Variants in SNTG1 observed in about 807,000 individuals in gnomAD.
SNTG1 encodes the protein gamma-1-syntrophin.
Under a neutral mutation model 74.7 loss-of-function variants are expected in SNTG1, and 39 were observed. The ratio of observed to expected loss-of-function variants is 0.52; its 90% confidence interval spans 0.40 to 0.68. SNTG1 has a LOEUF of 0.68. Ranked by LOEUF, SNTG1 falls within the 30% of genes least tolerant of loss-of-function variation. The pLI, the probability that SNTG1 is intolerant of heterozygous loss-of-function variation, is 0.00. For synonymous variants in SNTG1, 254 were observed against 217.1 expected, an observed-to-expected ratio of 1.17 and a Z score of -1.49; for missense variants, 685 against 609.5, an observed-to-expected ratio of 1.12 and a Z score of -1.30.
At chr8:50,291,669 T>C (rs1381751366) in intron 2 of SNTG1, among the ~76,000 whole-genome samples, 8 of 152,150 alleles carry the variant, frequency 5.3e-5, no homozygotes, top group Non-Finnish European at 1.0e-4. Context: ...ATAAAATGAC[T>C]GTCTTTAAAA....
At chr8:50,155,968 A>G (rs1437806929) in intron 1 of SNTG1, among the ~76,000 whole-genome samples, 1 of 152,042 alleles carries the variant, frequency 6.6e-6, no homozygotes, top group African/African-American at 2.4e-5. Context: ...ATAGAAGTGT[A>G]AAAAGGAAAA....
intron 11 of SNTG1, among the ~76,000 whole-genome samples, chr8:50,544,527 T>TA (rs57851752): frequency 7.9e-5 from 12 of 152,046 alleles, no homozygotes; most frequent in Admixed American, 1.3e-4. Flanking sequence ...CTTTTTGATT[T>TA]AAAAAAATGC....
At chr8:50,253,843 T>C (rs991426626) in intron 2 of SNTG1, among the ~76,000 whole-genome samples, 1 of 150,592 alleles carries the variant, frequency 6.6e-6, no homozygotes, top group Non-Finnish European at 1.5e-5. Context: ...TCTCATTCCA[T>C]GTAGAATCTA....
chr8:50,153,510 G>T (rs1046141586), intron 1 of SNTG1, among the ~76,000 whole-genome samples: 17 of 152,292 alleles, frequency 1.1e-4, no homozygotes, highest in African/African-American at 3.4e-4. Flanking sequence ...TTTCTGCTCT[G>T]TTTTTTCCCC....
At chr8:50,260,244 A>T (rs2087114126) in intron 2 of SNTG1, among the ~76,000 whole-genome samples, 1 of 152,196 alleles carries the variant, frequency 6.6e-6, no homozygotes, top group Admixed American at 6.6e-5. Context: ...GGCAGGGGGA[A>T]GAACAATACT....
intron 1 of SNTG1, among the ~76,000 whole-genome samples, chr8:50,132,654 C>T (rs1430522114): frequency 6.6e-6 from 1 of 152,196 alleles, no homozygotes; most frequent in Non-Finnish European, 1.5e-5. Context: ...TCCTCACTCT[C>T]TTGGCCCAAG....
chr8:50,302,692 TTCTC>T (rs2089705596), intron 2 of SNTG1, among the ~76,000 whole-genome samples: 1 of 152,168 alleles, frequency 6.6e-6, no homozygotes, highest in Non-Finnish European at 1.5e-5. Context: ...TGCCTCCATT[TTCTC>T]TCTGTCTTTC....
At chr8:50,054,252 G>C (rs951421133) in intron 1 of SNTG1, among the ~76,000 whole-genome samples, 4 of 152,012 alleles carry the variant, frequency 2.6e-5, no homozygotes, top group Admixed American at 1.3e-4. Context: ...CTCAGCAAAT[G>C]ATGTCATCAT....
intron 1 of SNTG1, among the ~76,000 whole-genome samples, chr8:49,946,057 A>AT (rs1270355713): frequency 6.6e-6 from 1 of 152,038 alleles, no homozygotes; most frequent in Non-Finnish European, 1.5e-5. Context: ...AAAAGCCCCT[A>AT]TTTTTTGCCA....
chr8:50,414,758 T>A (rs972111411), intron 4 of SNTG1, among the ~76,000 whole-genome samples: 2 of 152,072 alleles, frequency 1.3e-5, no homozygotes, highest in African/African-American at 4.8e-5. Flanking sequence ...TGTGTGCGTG[T>A]GTGGGTGTGT....
chr8:50,415,223 A>G (rs2092999776), intron 4 of SNTG1, among the ~76,000 whole-genome samples: 1 of 152,178 alleles, frequency 6.6e-6, no homozygotes, highest in Non-Finnish European at 1.5e-5. Flanking sequence ...AATGGCAGTA[A>G]TGTAAAGCAG....
chr8:50,489,738 G>A (rs376226581), intron 8 of SNTG1, among the ~76,000 whole-genome samples: 2 of 152,230 alleles, frequency 1.3e-5, no homozygotes, highest in African/African-American at 2.4e-5. Flanking sequence ...TGTTCATACC[G>A]ATGATAGTTT....
intron 8 of SNTG1, chr8:50,458,112 A>T (rs1242824464): frequency 6.6e-6 from 1 of 152,156 alleles, no homozygotes; most frequent in Non-Finnish European, 1.5e-5. Context: ...TTTGCTTTTC[A>T]GTGTCTCACT....
intron 2 of SNTG1, among the ~76,000 whole-genome samples, chr8:50,252,418 G>A (rs1328932694): frequency 2.0e-5 from 3 of 152,074 alleles, no homozygotes; most frequent in Non-Finnish European, 2.9e-5. Context: ...TAAACAAAGA[G>A]TTGGGTTTTG....
chr8:50,165,965 C>T (rs1036585681), intron 1 of SNTG1, among the ~76,000 whole-genome samples: 7 of 143,814 alleles, frequency 4.9e-5, no homozygotes, highest in African/African-American at 7.8e-5. Context: ...GAAATAATGC[C>T]GCATATCTAC....
chr8:50,117,366 C>G (rs990440554), intron 1 of SNTG1, among the ~76,000 whole-genome samples: 1 of 151,970 alleles, frequency 6.6e-6, no homozygotes, highest in Non-Finnish European at 1.5e-5. Flanking sequence ...GATCAAAATG[C>G]GTGTGATTCT....
intron 8 of SNTG1, among the ~76,000 whole-genome samples, chr8:50,483,018 T>A (rs542220626): frequency 5.3e-5 from 8 of 152,194 alleles, no homozygotes; most frequent in Non-Finnish European, 1.0e-4. Context: ...TGAAGTAGAA[T>A]AGTAGACTAG....
intron 2 of SNTG1, among the ~76,000 whole-genome samples, chr8:50,295,273 C>T (rs905708814): frequency 1.3e-5 from 2 of 152,082 alleles, no homozygotes; most frequent in Admixed American, 1.3e-4. Flanking sequence ...CAAATAATGG[C>T]AACGTTGATA....
At chr8:50,740,372 A>G (rs1385088553) in intron 17 of SNTG1, among the ~76,000 whole-genome samples, 1 of 151,960 alleles carries the variant, frequency 6.6e-6, no homozygotes, top group Non-Finnish European at 1.5e-5. Context: ...TGAAAAAAAA[A>G]AAAACCTCAA....
Sources: allele counts gnomAD v4.1 joint callset (sites outside exome capture counted in the v4.1 genomes callset), GRCh38; gene constraint gnomAD v4.1.1; transcripts MANE v1.5; gene names NCBI Gene and HGNC (gene_info 2026-07-23, HGNC 2026-07-21).